Variants in VWA5B1 observed in about 807,000 individuals in gnomAD.
The protein encoded by VWA5B1 is von Willebrand factor A domain containing 5B1.
In VWA5B1, 115 loss-of-function variants were observed where a neutral mutation model predicts 118.2. The ratio of observed to expected loss-of-function variants is 0.97; its 90% confidence interval spans 0.84 to 1.14. The LOEUF (loss-of-function observed/expected upper bound fraction) is 1.14. VWA5B1 is among the 50% of genes most tolerant of loss of function. The pLI, the probability that VWA5B1 is intolerant of heterozygous loss-of-function variation, is 0.00. For missense variants in VWA5B1, 1,596 were observed against 1,603.8 expected (o/e 1.00, Z 0.08); for synonymous variants, 682 against 658.4 (o/e 1.04, Z -0.55).
chr1:20,316,157 A>C (rs927183929), intron 4 of VWA5B1, among the ~76,000 whole-genome samples: 1 of 152,168 alleles, frequency 6.6e-6, no homozygotes, highest in African/African-American at 2.4e-5. Flanking sequence ...TAGTGAGGAG[A>C]GGGGGGATGC....
In VWA5B1 at chr1:20,354,099, T is replaced by C. The variant is rs2090185180; in HGVS notation, c.3484T>C (p.Leu1162=). ...GGCCTCCTACTTCACTGAGTGGGAG[T>C]TGGTGGCTGCCAAGGCCAACTCATG... ...SSASYFTEWE[L]VAAKANSWLE... is the part of the protein sequence containing the mutation. The change falls in exon 22 of 22, where the codon TTG becomes CTG. Residue 1162 remains leucine (L), a synonymous_variant. Transcript: ENST00000289815. 35 of 1,551,000 alleles carry C rather than the reference T, an allele frequency of 2.3e-5. No individual in the cohort carries two copies. Among genetic ancestry groups the C allele is most frequent in the Non-Finnish European group, 2.9e-5 (33 of 1,146,914 alleles).
intron 1 of VWA5B1, among the ~76,000 whole-genome samples, chr1:20,295,993 G>A (rs1448655600): frequency 1.3e-5 from 2 of 152,160 alleles, no homozygotes; most frequent in East Asian, 3.9e-4. Context: ...CTCCTGAGTA[G>A]CTGGGATTAC....
At chr1:20,325,441 T>A (rs2089348820) in intron 8 of VWA5B1, among the ~76,000 whole-genome samples, 1 of 152,164 alleles carries the variant, frequency 6.6e-6, no homozygotes, top group Admixed American at 6.5e-5. Context: ...CCCCTCCCTC[T>A]CCCAAGCCCA....
At position 20,345,558 on chromosome 1, in the gene VWA5B1, G is replaced by A. The variant is rs41264537; in HGVS notation, c.2729G>A (p.Arg910Gln). 2.2e-3 allele frequency: 3,400 copies of A among 1,550,808 alleles called. 10 individuals are homozygous for A. Among genetic ancestry groups the A allele is most frequent in the Admixed American group, 2.7e-3 (140 of 50,976 alleles). The change falls in exon 17 of 22, where the codon CGG becomes CAG. Residue 910 changes from arginine (R) to glutamine (Q), a missense_variant. By Grantham distance (43) the Arg-to-Gln change is conservative. Coordinates refer to ENST00000289815, the MANE Select transcript of VWA5B1 (RefSeq NM_001039500.3). ...AFVPVDVSKS[R>Q]YLPTVVEYPN... is the part of the protein sequence containing the mutation. The stretch of plus-strand genomic sequence containing the variant: ...GTGCCTGTGGACGTGAGCAAGAGCC[G>A]GTACCTGCCCACCGTGGTGGAGTAC...
Position 20,323,514 on chromosome 1 carries a change from C to A in VWA5B1, c.1125C>A (p.Ile375=). 6.7e-7 allele frequency: 1 copy of A among 1,485,942 alleles called. No homozygotes were observed. The highest frequency in any genetic ancestry group is 2.4e-5 in the Admixed American group (1 of 41,890). 92.0% of individuals were successfully genotyped at this position (1,485,942 alleles called of 1,614,324 possible). A position where few individuals can be genotyped will look rare whatever the true frequency, so the allele number is the denominator to read the frequency against. Residue 375 remains isoleucine (I), a synonymous_variant, in exon 8 of 22, where the codon ATC becomes ATA. Transcript: ENST00000289815. ...LIDRSSSMSG[I]SMHRVKDAML... The stretch of plus-strand genomic sequence containing the variant: ...ACAGGAGCAGCAGCATGAGCGGGAT[C>A]AGCATGCACCGAGTCAAGGTACCTG...
rs1307697500 is a variant in VWA5B1 at position 20,354,915 on chromosome 1, T to C, written c.*652T>C. Reference sequence around the variant, plus strand: ...TGTTTTGGCTAGGAAGCTTCCTTAATACATACTAGTATTGCCTTGCAGATC... The same window carrying C: ...TGTTTTGGCTAGGAAGCTTCCTTAACACATACTAGTATTGCCTTGCAGATC... On this transcript the variant is annotated 3_prime_UTR_variant, in exon 22 of 22. Coordinates refer to ENST00000289815, the MANE Select transcript of VWA5B1 (RefSeq NM_001039500.3). 6.6e-6 allele frequency: 1 copy of C among 152,368 alleles called. No homozygotes were observed. The highest frequency in any genetic ancestry group is 2.4e-5 in the African/African-American group (1 of 41,438). 9.4% of individuals were successfully genotyped at this position (152,368 alleles called of 1,614,324 possible). A position where few individuals can be genotyped will look rare whatever the true frequency, so the allele number is the denominator to read the frequency against.
intron 13 of VWA5B1, 92 bp downstream of exon 13, chr1:20,336,578 A>G (rs1214582141): frequency 1.6e-6 from 2 of 1,265,348 alleles, no homozygotes; most frequent in Non-Finnish European, 2.0e-6. Flanking sequence ...AATAGTTAGC[A>G]GCTGCAGAGG....
intron 14 of VWA5B1, among the ~76,000 whole-genome samples, chr1:20,340,857 A>T (rs2089858021): frequency 6.6e-6 from 1 of 152,238 alleles, no homozygotes; most frequent in Non-Finnish European, 1.5e-5. Flanking sequence ...CATACACTAT[A>T]CACGTATGTA....
At chr1:20,315,785 T>A (rs1026252434) in intron 4 of VWA5B1, among the ~76,000 whole-genome samples, 1 of 152,174 alleles carries the variant, frequency 6.6e-6, no homozygotes, top group African/African-American at 2.4e-5. Context: ...AGGGGGAACG[T>A]GCAGGGCCTT....
At chr1:20,349,462 C>T (rs936388540) in intron 18 of VWA5B1, among the ~76,000 whole-genome samples, 4 of 152,058 alleles carry the variant, frequency 2.6e-5, no homozygotes, top group Non-Finnish European at 2.9e-5. Context: ...CGGCTCACTG[C>T]AACGTCCACC....
At chr1:20,339,981 G>GCAGCGCCTGGCC (rs556047812) in intron 14 of VWA5B1, among the ~76,000 whole-genome samples, 247 of 152,320 alleles carry the variant, frequency 1.6e-3, no homozygotes, top group African/African-American at 5.2e-3. Context: ...GATAAAAGAT[G>GCAGCGCCTGGCC]CAGCGCCTGG....
chr1:20,323,119 C>T (rs1281377477), intron 7 of VWA5B1: 9 of 354,494 alleles, frequency 2.5e-5, no homozygotes, highest in Non-Finnish European at 2.5e-5. Flanking sequence ...ATCACACAGT[C>T]GGATGGTGAC....
At chr1:20,350,275 G>C (rs1191394956) in intron 19 of VWA5B1, 45 bp downstream of exon 19, 2 of 1,547,782 alleles carry the variant, frequency 1.3e-6, no homozygotes, top group Non-Finnish European at 1.7e-6. Context: ...ATGGTGACAG[G>C]GATTGGTCCT....
intron 4 of VWA5B1, among the ~76,000 whole-genome samples, chr1:20,316,631 T>C (rs115706096): frequency 0.018 from 2,679 of 152,022 alleles, 34 homozygotes; most frequent in Middle Eastern, 0.037. Flanking sequence ...GGGTGGAGAT[T>C]GCAAAGAAAG....
chr1:20,305,457 G>T (rs984086608), intron 1 of VWA5B1, among the ~76,000 whole-genome samples: 16 of 152,114 alleles, frequency 1.1e-4, no homozygotes, highest in African/African-American at 3.9e-4. Flanking sequence ...GTATGATTGA[G>T]ACCTTAGAGA....
chr1:20,333,617 A>G (rs2089633454), intron 12 of VWA5B1, among the ~76,000 whole-genome samples: 1 of 152,200 alleles, frequency 6.6e-6, no homozygotes, highest in East Asian at 1.9e-4. Flanking sequence ...GAACAAATGC[A>G]CTCAGATTTC....
At chr1:20,295,779 C>T (rs12093201) in intron 1 of VWA5B1, among the ~76,000 whole-genome samples, 19,291 of 152,088 alleles carry the variant, frequency 0.13, 1,759 homozygotes, top group African/African-American at 0.25. Flanking sequence ...CTACCTGGTT[C>T]GCCGTAGTGT....
At chr1:20,298,775 C>T (rs997955137) in intron 1 of VWA5B1, among the ~76,000 whole-genome samples, 3 of 152,142 alleles carry the variant, frequency 2.0e-5, no homozygotes, top group South Asian at 2.1e-4. Context: ...AGCTGGCCTC[C>T]TCTCTCTGCT....
intron 4 of VWA5B1, among the ~76,000 whole-genome samples, chr1:20,315,821 G>C (rs2088989091): frequency 6.6e-6 from 1 of 152,244 alleles, no homozygotes; most frequent in South Asian, 2.1e-4. Flanking sequence ...GCACAACAGA[G>C]AAGCTGGTGG....
Sources: allele counts gnomAD v4.1 joint callset (sites outside exome capture counted in the v4.1 genomes callset), GRCh38; gene constraint gnomAD v4.1.1; transcripts MANE v1.5; gene names NCBI Gene and HGNC (gene_info 2026-07-23, HGNC 2026-07-21).